The following FOXRED1 variants were observed in gnomAD, a reference collection of about 807,000 sequenced individuals.
The protein encoded by FOXRED1 is FAD-dependent oxidoreductase domain-containing protein 1.
Under a neutral mutation model 57.8 loss-of-function variants are expected in FOXRED1, and 52 were observed. That is an observed-to-expected ratio of 0.90 (90% CI 0.72 to 1.13). The LOEUF is 1.13. Among genes scored for constraint, FOXRED1 ranks in the 50% most tolerant of loss-of-function variants. FOXRED1 has a pLI of 0.00. For synonymous variants in FOXRED1, 271 were observed against 248.3 expected, an observed-to-expected ratio of 1.09 and a Z score of -0.86; for missense variants, 589 against 625.2, an observed-to-expected ratio of 0.94 and a Z score of 0.62.
At position 126,273,717 on chromosome 11, in the gene FOXRED1, A is replaced by C; in HGVS notation, c.536+263A>C. 6.2e-6 allele frequency: 3 copies of C among 480,534 alleles called. No homozygotes were observed. Among genetic ancestry groups the C allele is most frequent in the East Asian group, 4.0e-5 (1 of 24,874 alleles). The allele number at this position is 480,534 out of a possible 1,614,324, so 29.8% of individuals were successfully genotyped here. A position where few individuals can be genotyped will look rare whatever the true frequency, so the allele number is the denominator to read the frequency against. On this transcript the variant is annotated intron_variant, in intron 4 of 10. Transcript: ENST00000263578. This position sits in a 1 kb window ranked among gnomAD's most constrained non-coding sequence, Gnocchi z 5.9. ...CACATCCCAGACCTAATAAACCAGA[A>C]TCTCTAGGGAAGGAGCCCACAAATC... is the stretch of plus-strand genomic sequence containing the variant.
Position 126,271,066 on chromosome 11 carries a change from G to A in FOXRED1, c.86-371G>A, listed in dbSNP as rs1950973405. On this transcript the variant is annotated intron_variant, in intron 1 of 10. Coordinates refer to ENST00000263578, the MANE Select transcript of FOXRED1 (RefSeq NM_017547.4). This position sits in a 1 kb window ranked among gnomAD's most constrained non-coding sequence, Gnocchi z 5.3. ...GCTTAGCGGTGACATGCTTCAGAGG[G>A]TGCCGTGACTTGGGGTGTGCCAGGG... 1 of 337,612 alleles carries A rather than the reference G, an allele frequency of 3.0e-6. No homozygotes were observed. Among genetic ancestry groups the A allele is most frequent in the African/African-American group, 2.1e-5 (1 of 46,528 alleles). The allele number at this position is 337,612 out of a possible 1,614,324, so 20.9% of individuals were successfully genotyped here. A position where few individuals can be genotyped will look rare whatever the true frequency, so the allele number is the denominator to read the frequency against.
chr11:126,272,419 A>G lies in FOXRED1; in HGVS notation c.307-550A>G. ...GTGGTCCTCCCACCTTAGCCTCCAG[A>G]GTAGCTGGGACCACAGGCATGCACC... On this transcript the variant is annotated intron_variant, in intron 2 of 10. Coordinates refer to ENST00000263578, the MANE Select transcript of FOXRED1 (RefSeq NM_017547.4). This position sits in a 1 kb window ranked among gnomAD's most constrained non-coding sequence, Gnocchi z 4.6. 1 of 201,354 alleles carries G rather than the reference A, an allele frequency of 5.0e-6. No individual in the cohort carries two copies. Among genetic ancestry groups the G allele is most frequent in the Non-Finnish European group, 1.0e-5 (1 of 97,596 alleles). The allele number at this position is 201,354 out of a possible 1,614,324, so 12.5% of individuals were successfully genotyped here.
Position 126,274,643 on chromosome 11 carries a change from T to C in FOXRED1, c.537-284T>C, listed in dbSNP as rs1225129669. 2.0e-5 allele frequency: 8 copies of C among 401,950 alleles called. No individual in the cohort carries two copies. The highest frequency in any genetic ancestry group is 1.1e-4 in the South Asian group (5 of 46,432). 24.9% of individuals were successfully genotyped at this position (401,950 alleles called of 1,614,324 possible). ...AGCCTGGGTGACAGAGCCAGACTCA[T>C]TGAAAAAAAAAAAAAGAAGTCATGG... On this transcript the variant is annotated intron_variant, in intron 4 of 10. Coordinates refer to ENST00000263578, the MANE Select transcript of FOXRED1 (RefSeq NM_017547.4). This position sits in a 1 kb window ranked among gnomAD's most constrained non-coding sequence, Gnocchi z 4.8.
At position 126,277,060 on chromosome 11, in the gene FOXRED1, T is replaced by G. The variant is rs778129901; in HGVS notation, c.1102-11T>G. Reference sequence around the variant, plus strand: ...AGGCAATGTAAGCGTTGTCCCCACCTCTCACTCCAGCAGGAAGAACCGGAC... The same window carrying G: ...AGGCAATGTAAGCGTTGTCCCCACCGCTCACTCCAGCAGGAAGAACCGGAC... On this transcript the variant is annotated splice_polypyrimidine_tract_variant and intron_variant, in intron 9 of 10. Transcript: ENST00000263578. This position sits in a 1 kb window ranked among gnomAD's most constrained non-coding sequence, Gnocchi z 6.8. The G allele has an allele frequency of 3.2e-6, 5 of 1,563,468 alleles. No individual in the cohort carries two copies. The highest frequency in any genetic ancestry group is 4.4e-6 in the Non-Finnish European group (5 of 1,134,420).
At position 126,269,261 on chromosome 11, in the gene FOXRED1, C is replaced by A. The variant is rs79210019; in HGVS notation, c.55C>A (p.Pro19Thr). ...GMGRGLLTRR[P>T]GTRRGGFSLD... ...GGGCCGGGGCCTCTTGACCCGGAGGCCAGGCACGCGCAGAGGAGGCTTTTC... is the reference window on the plus strand; with the variant it reads ...GGGCCGGGGCCTCTTGACCCGGAGGACAGGCACGCGCAGAGGAGGCTTTTC... Residue 19 changes from proline to threonine, a missense_variant, in exon 1 of 11, where the codon CCA (proline) becomes ACA (threonine). By Grantham distance (38) the Pro-to-Thr change is conservative. Transcript: ENST00000263578. 200 of 1,614,152 alleles carry A rather than the reference C, an allele frequency of 1.2e-4. No homozygotes were observed. In the East Asian group the frequency reaches 4.4e-3, roughly 35 times the overall value.
rs1951053163 is a variant in FOXRED1 at position 126,273,648 on chromosome 11, G to T, written c.536+194G>T. Reference sequence around the variant, plus strand: ...GTACCACAGATATGGACAAAACACTGCGAGGTGCTTCCTAATTTGTCAGAT... The same window carrying T: ...GTACCACAGATATGGACAAAACACTTCGAGGTGCTTCCTAATTTGTCAGAT... On this transcript the variant is annotated intron_variant, in intron 4 of 10. Coordinates refer to ENST00000263578, the MANE Select transcript of FOXRED1 (RefSeq NM_017547.4). This position sits in a 1 kb window ranked among gnomAD's most constrained non-coding sequence, Gnocchi z 5.9. The T allele has an allele frequency of 1.6e-6, 1 of 620,970 alleles. No individual in the cohort carries two copies. The allele number at this position is 620,970 out of a possible 1,614,324, so 38.5% of individuals were successfully genotyped here.
At chr11:126,276,602 A>ATGAGCTACTGTGCCTGG in intron 9 of FOXRED1, 79 bp downstream of exon 9, 1 of 1,499,286 alleles carries the variant, frequency 6.7e-7, no homozygotes, top group Non-Finnish European at 9.2e-7. Context: ...TTGGCCAGGC[A>ATGAGCTACTGTGCCTGG]CAGTAGCTCA....
intron 1 of FOXRED1, among the ~76,000 whole-genome samples, chr11:126,269,723 G>T (rs1950923388): frequency 6.6e-6 from 1 of 151,982 alleles, no homozygotes. Flanking sequence ...GCCGGGCGCG[G>T]GGCCTGTAAT....
chr11:126,274,928 C>T lies in FOXRED1; in HGVS notation c.538C>T (p.Gln180Ter), dbSNP rs760964794. 9 of 1,598,724 alleles carry T rather than the reference C, an allele frequency of 5.6e-6. No individual in the cohort carries two copies. In the Admixed American group the frequency reaches 1.5e-4, roughly 27 times the overall value. The change falls in exon 5 of 11, where the codon CAG becomes TAG. Residue 180 changes from glutamine (Q) to a stop codon, truncating the protein, a stop_gained and splice_region_variant. Coordinates refer to ENST00000263578, the MANE Select transcript of FOXRED1 (RefSeq NM_017547.4). LOFTEE classifies it high-confidence loss of function. This position sits in a 1 kb window ranked among gnomAD's most constrained non-coding sequence, Gnocchi z 4.8. Reference sequence around the variant, plus strand: ...CACCGACCCACACGTTTATCTCAGGCAGGAGGGAGCCAAAGTTTCTCTGAT... The same window carrying T: ...CACCGACCCACACGTTTATCTCAGGTAGGAGGGAGCCAAAGTTTCTCTGAT... ...AMESNVKVQR[Q>*]EGAKVSLMSP...
Position 126,273,045 on chromosome 11 carries a change from C to A in FOXRED1, c.383C>A (p.Ser128Tyr). The A allele has an allele frequency of 6.2e-7, 1 of 1,604,462 alleles. No individual in the cohort carries two copies. Among genetic ancestry groups the A allele is most frequent in the East Asian group, 2.2e-5 (1 of 44,850 alleles). The change falls in exon 3 of 11, where the codon TCC becomes TAC. Residue 128 changes from serine to tyrosine, a missense_variant. Coordinates refer to ENST00000263578, the MANE Select transcript of FOXRED1 (RefSeq NM_017547.4). The surrounding 1 kb of genome is among the most constrained non-coding windows in gnomAD (Gnocchi z 5.9). ...QFSLPENIQL[S>Y]LFSASFLRNI... ...TCATTGCCTGAGAACATCCAGCTCT[C>A]CCTCTTTTCAGCCAGCTTTCTACGG... is the stretch of plus-strand genomic sequence containing the variant.
In FOXRED1 at chr11:126,269,176, AG is replaced by A; in HGVS notation, c.-30del. The A allele has an allele frequency of 6.5e-7, 1 of 1,532,674 alleles. No individual in the cohort carries two copies. 94.9% of individuals were successfully genotyped at this position (1,532,674 alleles called of 1,614,324 possible). A position where few individuals can be genotyped will look rare whatever the true frequency, so the allele number is the denominator to read the frequency against. ...TGCGATAATAGCGAGGCAGCAGTGC[AG>A]CTTTCAGAGGGTCCGGGCTCAGAGG... On this transcript the variant is annotated 5_prime_UTR_variant, in exon 1 of 11. Transcript: ENST00000263578.
Position 126,277,606 on chromosome 11 carries a change from A to G in FOXRED1, c.1378A>G (p.Arg460Gly), listed in dbSNP as rs139086727. 7.6e-5 allele frequency: 123 copies of G among 1,613,638 alleles called. No individual in the cohort carries two copies. The highest frequency in any genetic ancestry group is 1.0e-4 in the Non-Finnish European group (120 of 1,179,936). The change falls in exon 11 of 11, where the codon AGG becomes GGG. Residue 460 changes from arginine (R) to glycine (G), a missense_variant. Coordinates refer to ENST00000263578, the MANE Select transcript of FOXRED1 (RefSeq NM_017547.4). This position sits in a 1 kb window ranked among gnomAD's most constrained non-coding sequence, Gnocchi z 6.8. ...RAVAEMVLKG[R>G]FQTIDLSPFL... ...TGTAGCAGAGATGGTACTGAAGGGC[A>G]GGTTCCAGACCATCGACCTGAGCCC...
In FOXRED1 at chr11:126,274,016, T is replaced by G; in HGVS notation, c.536+562T>G. ...TTGTGATGCAATATGGCCAGAGGCT[T>G]TATTTGTATGTTTATTTAACAAACA... is the stretch of plus-strand genomic sequence containing the variant. On this transcript the variant is annotated intron_variant, in intron 4 of 10. Transcript: ENST00000263578. The surrounding 1 kb of genome is among the most constrained non-coding windows in gnomAD (Gnocchi z 4.8). The G allele has an allele frequency of 5.9e-6, 1 of 168,176 alleles. No homozygotes were observed. 10.4% of individuals were successfully genotyped at this position (168,176 alleles called of 1,614,324 possible). A position where few individuals can be genotyped will look rare whatever the true frequency, so the allele number is the denominator to read the frequency against.
intron 9 of FOXRED1, chr11:126,276,837 T>C (rs534524902): frequency 4.0e-4 from 206 of 512,936 alleles, no homozygotes; most frequent in South Asian, 1.3e-3. Flanking sequence ...GATTGCGCCA[T>C]TGCACTCCAG....
Position 126,271,648 on chromosome 11 carries a change from G to C in FOXRED1, c.297G>C (p.Arg99=). 1 of 1,613,292 alleles carries C rather than the reference G, an allele frequency of 6.2e-7. No homozygotes were observed. The highest frequency in any genetic ancestry group is 8.5e-7 in the Non-Finnish European group (1 of 1,179,616). ...CTATTCGAGTGCTAGTGGTGGAACG[G>C]GACCACACGGTGAGGTCTGGGGTAG... ...RGAIRVLVVE[R]DHTYSQASTG... The change falls in exon 2 of 11, where the codon CGG becomes CGC. Residue 99 remains arginine (R), a synonymous_variant. Transcript: ENST00000263578. The surrounding 1 kb of genome is among the most constrained non-coding windows in gnomAD (Gnocchi z 5.3).
At position 126,274,956 on chromosome 11, in the gene FOXRED1, C is replaced by G. The variant is rs1283078005; in HGVS notation, c.566C>G (p.Ser189Cys). ...GAGGGAGCCAAAGTTTCTCTGATGTCTCCTGATCAGCTTCGGAACAAGTTT... is the reference window on the plus strand; with the variant it reads ...GAGGGAGCCAAAGTTTCTCTGATGTGTCCTGATCAGCTTCGGAACAAGTTT... Reference protein sequence around the residue: ...RQEGAKVSLMSPDQLRNKFPW... With the variant: ...RQEGAKVSLMCPDQLRNKFPW... The change falls in exon 5 of 11, where the codon TCT (serine) becomes TGT (cysteine). Residue 189 changes from serine to cysteine, a missense_variant. Ser to Cys is a moderately radical substitution (Grantham distance 112). Coordinates refer to ENST00000263578, the MANE Select transcript of FOXRED1 (RefSeq NM_017547.4). The surrounding 1 kb of genome is among the most constrained non-coding windows in gnomAD (Gnocchi z 4.8). The G allele has an allele frequency of 1.2e-6, 2 of 1,613,370 alleles. No individual in the cohort carries two copies. The highest frequency in any genetic ancestry group is 4.5e-5 in the East Asian group (2 of 44,896).
Position 126,278,025 on chromosome 11 carries a change from CAG to C in FOXRED1, c.*339_*340del. On this transcript the variant is annotated 3_prime_UTR_variant, in exon 11 of 11. Coordinates refer to ENST00000263578, the MANE Select transcript of FOXRED1 (RefSeq NM_017547.4). This position sits in a 1 kb window ranked among gnomAD's most constrained non-coding sequence, Gnocchi z 4.8. ...GACTGCCTCTGACCCTCTTAGCAGACAGAGCCCAGGCATGGGAGCACTCTGGG... is the reference window on the plus strand; with the variant it reads ...GACTGCCTCTGACCCTCTTAGCAGACAGCCCAGGCATGGGAGCACTCTGGG... 1.8e-6 allele frequency: 1 copy of C among 543,044 alleles called. No individual in the cohort carries two copies. Among genetic ancestry groups the C allele is most frequent in the Non-Finnish European group, 3.5e-6 (1 of 284,730 alleles). 33.6% of individuals were successfully genotyped at this position (543,044 alleles called of 1,614,324 possible). A position where few individuals can be genotyped will look rare whatever the true frequency, so the allele number is the denominator to read the frequency against.
chr11:126,269,230 C>G lies in FOXRED1; in HGVS notation c.24C>G (p.His8Gln). The change falls in exon 1 of 11, where the codon CAC becomes CAG. Residue 8 changes from histidine (H) to glutamine (Q), a missense_variant. By Grantham distance (24) the His-to-Gln change is conservative (BLOSUM62 0). Transcript: ENST00000263578. ...TTATGATTCGGAGGGTTCTGCCGCACGGCATGGGCCGGGGCCTCTTGACCC... is the reference window on the plus strand; with the variant it reads ...TTATGATTCGGAGGGTTCTGCCGCAGGGCATGGGCCGGGGCCTCTTGACCC... MIRRVLP[H>Q]GMGRGLLTRR... 6.2e-7 allele frequency: 1 copy of G among 1,614,006 alleles called. No homozygotes were observed. Among genetic ancestry groups the G allele is most frequent in the Non-Finnish European group, 8.5e-7 (1 of 1,179,920 alleles).
rs916728937 is a variant in FOXRED1, at chr11:126,276,615, C to T, written c.1101+92C>T. The T allele has an allele frequency of 2.8e-6, 4 of 1,439,066 alleles. No individual in the cohort carries two copies. In the African/African-American group the frequency reaches 5.6e-5, roughly 20 times the overall value. 89.1% of individuals were successfully genotyped at this position (1,439,066 alleles called of 1,614,324 possible). A position where few individuals can be genotyped will look rare whatever the true frequency, so the allele number is the denominator to read the frequency against. On this transcript the variant is annotated intron_variant, in intron 9 of 10. Transcript: ENST00000263578. ...TTTTGGCCAGGCACAGTAGCTCATG[C>T]CTGTAATCTTGGCATTTTGGGAGGC...
Sources: allele counts gnomAD v4.1 joint callset (sites outside exome capture counted in the v4.1 genomes callset), GRCh38; gene constraint gnomAD v4.1.1; non-coding constraint Gnocchi (gnomAD v3.1); transcripts MANE v1.5; gene names NCBI Gene and HGNC (gene_info 2026-07-23, HGNC 2026-07-21).